The following SENP7 variants were observed in gnomAD, a reference collection of about 807,000 sequenced individuals.
SENP7 encodes SUMO specific peptidase 7.
SENP7 carries 64 observed loss-of-function variants against 141.2 expected under a neutral mutation model. That is an observed-to-expected ratio of 0.45 (90% CI 0.37 to 0.56). The LOEUF (loss-of-function observed/expected upper bound fraction) is 0.56, where lower values mean the gene tolerates loss of function less well. SENP7 is among the 20% of genes least tolerant of loss of function. SENP7 has a pLI of 0.00. For synonymous variants in SENP7, 382 were observed against 426.4 expected (o/e 0.90, Z 1.28); for missense variants, 1,025 against 1,212.2 (o/e 0.85, Z 2.29).
intron 4 of SENP7, among the ~76,000 whole-genome samples, chr3:101,455,430 C>T (rs191968613): frequency 9.9e-5 from 15 of 152,028 alleles, no homozygotes; most frequent in South Asian, 6.2e-4. Context: ...TATTAGCTGC[C>T]GTAATTATAA....
chr3:101,349,776 C>T (rs2553419), intron 12 of SENP7, among the ~76,000 whole-genome samples: 69,281 of 151,936 alleles, frequency 0.46, 16,298 homozygotes, highest in South Asian at 0.53. Context: ...AGTCTGCCCC[C>T]AATATATGGT....
intron 3 of SENP7, among the ~76,000 whole-genome samples, chr3:101,477,742 T>C (rs1292180124): frequency 1.3e-5 from 2 of 151,628 alleles, no homozygotes; most frequent in Non-Finnish European, 2.9e-5. Context: ...TCCCAGCTAC[T>C]TGGGAGACTG....
chr3:101,427,565 C>T (rs1559808142), intron 4 of SENP7, among the ~76,000 whole-genome samples: 1 of 151,256 alleles, frequency 6.6e-6, no homozygotes. Flanking sequence ...TACCTCAATA[C>T]ATGCAAAATT....
chr3:101,490,743 C>A (rs2064932812), intron 3 of SENP7, among the ~76,000 whole-genome samples: 1 of 152,084 alleles, frequency 6.6e-6, no homozygotes, highest in African/African-American at 2.4e-5. Flanking sequence ...CTCCTAAAGA[C>A]TATGGAAAGG....
intron 20 of SENP7, among the ~76,000 whole-genome samples, chr3:101,329,903 T>G (rs532202522): frequency 2.7e-5 from 4 of 147,562 alleles, no homozygotes; most frequent in Non-Finnish European, 3.0e-5. Flanking sequence ...TGCACTGAGC[T>G]GAGATTGTAC....
intron 1 of SENP7, among the ~76,000 whole-genome samples, chr3:101,506,894 A>G (rs921729117): frequency 3.3e-5 from 5 of 151,950 alleles, no homozygotes; most frequent in Admixed American, 3.3e-4. Flanking sequence ...CTCTAGAAAA[A>G]CTAAGTTTTT....
intron 5 of SENP7, among the ~76,000 whole-genome samples, chr3:101,404,976 C>T (rs1386301405): frequency 1.3e-5 from 2 of 152,180 alleles, no homozygotes; most frequent in Non-Finnish European, 2.9e-5. Flanking sequence ...GCCCTCAAAA[C>T]ACCTTGATTG....
chr3:101,463,932 C>A (rs1393574943), intron 3 of SENP7, among the ~76,000 whole-genome samples: 8 of 152,140 alleles, frequency 5.3e-5, no homozygotes, highest in African/African-American at 1.9e-4. Context: ...TCAAGCACTT[C>A]TCCTGCCTCA....
At chr3:101,352,220 A>T (rs1021600511) in intron 11 of SENP7, among the ~76,000 whole-genome samples, 7 of 152,004 alleles carry the variant, frequency 4.6e-5, no homozygotes, top group African/African-American at 1.7e-4. Context: ...TAATTTTAAA[A>T]TTTGCTTTTA....
At chr3:101,381,585 T>C (rs2060504056) in intron 6 of SENP7, among the ~76,000 whole-genome samples, 1 of 152,056 alleles carries the variant, frequency 6.6e-6, no homozygotes, top group Admixed American at 6.6e-5. Flanking sequence ...GGAAAAAGTT[T>C]AAATGTTTAC....
At chr3:101,444,406 G>T (rs1344949149) in intron 4 of SENP7, among the ~76,000 whole-genome samples, 3 of 152,050 alleles carry the variant, frequency 2.0e-5, no homozygotes, top group South Asian at 4.2e-4. Context: ...ATACCCAAAG[G>T]ACTATAAATC....
intron 6 of SENP7, among the ~76,000 whole-genome samples, chr3:101,373,947 T>A (rs2060248858): frequency 6.6e-6 from 1 of 152,148 alleles, no homozygotes; most frequent in South Asian, 2.1e-4. Flanking sequence ...GAAATATAAA[T>A]ATTCACATTA....
intron 3 of SENP7, among the ~76,000 whole-genome samples, chr3:101,477,309 T>C (rs761125635): frequency 4.6e-5 from 7 of 151,876 alleles, no homozygotes; most frequent in Non-Finnish European, 1.0e-4. Context: ...ACAATACAAA[T>C]ACATGGAAAT....
At chr3:101,405,228 G>C (rs934479893) in intron 5 of SENP7, among the ~76,000 whole-genome samples, 2 of 152,166 alleles carry the variant, frequency 1.3e-5, no homozygotes, top group African/African-American at 4.8e-5. Context: ...CCATGGCTGA[G>C]AGACCCATAG....
At chr3:101,440,581 TAAAAAAA>T (rs58673443) in intron 4 of SENP7, among the ~76,000 whole-genome samples, 1 of 124,914 alleles carries the variant, frequency 8.0e-6, no homozygotes, top group Non-Finnish European at 1.7e-5. Context: ...AAAAATAAAT[TAAAAAAA>T]AAAAAAAAAG....
intron 3 of SENP7, among the ~76,000 whole-genome samples, chr3:101,471,653 C>A (rs367545646): frequency 7.9e-5 from 12 of 152,152 alleles, no homozygotes; most frequent in African/African-American, 2.9e-4. Flanking sequence ...TAGACAAATG[C>A]GATCTAATTA....
chr3:101,373,039 C>T (rs1219468893), intron 6 of SENP7, among the ~76,000 whole-genome samples: 1 of 151,814 alleles, frequency 6.6e-6, no homozygotes, highest in African/African-American at 2.4e-5. Flanking sequence ...CGTAATGCTT[C>T]CTTGTTTTGA....
At chr3:101,422,726 C>T (rs542722608) in intron 4 of SENP7, among the ~76,000 whole-genome samples, 11 of 151,864 alleles carry the variant, frequency 7.2e-5, no homozygotes, top group Non-Finnish European at 1.2e-4. Flanking sequence ...TTTAAAAAAT[C>T]GCATTCCTAA....
chr3:101,479,909 A>AC (rs1178649850), intron 3 of SENP7, among the ~76,000 whole-genome samples: 1 of 131,786 alleles, frequency 7.6e-6, no homozygotes, highest in African/African-American at 2.6e-5. Context: ...AAAAAAAAAA[A>AC]AAAAAAAAAA....
Sources: allele counts gnomAD v4.1 joint callset (sites outside exome capture counted in the v4.1 genomes callset), GRCh38; gene constraint gnomAD v4.1.1; transcripts MANE v1.5; gene names NCBI Gene and HGNC (gene_info 2026-07-23, HGNC 2026-07-21).